TSHZ2: variants seen among roughly 807,000 people sequenced by gnomAD.
TSHZ2 encodes the protein teashirt zinc finger homeobox 2, also known as teashirt homolog 2.
In TSHZ2, 21 loss-of-function variants were observed where a neutral mutation model predicts 74.4. The ratio of observed to expected loss-of-function variants is 0.28; its 90% CI spans 0.20 to 0.41. The LOEUF is 0.41. Ranked by LOEUF, TSHZ2 falls within the 10% of genes least tolerant of loss-of-function variation. The pLI, the probability that TSHZ2 is intolerant of heterozygous loss-of-function variation, is 1.00. For synonymous variants in TSHZ2, 540 were observed against 515.3 expected (o/e 1.05, Z -0.65); for missense variants, 1,244 against 1,293.5 (o/e 0.96, Z 0.59).
chr20:53,224,367 A>G (rs1396854916), intron 1 of TSHZ2, among the ~76,000 whole-genome samples: 1 of 152,228 alleles, frequency 6.6e-6, no homozygotes, highest in Non-Finnish European at 1.5e-5. Context: ...GTTGGAATGA[A>G]ACAAAGCTAG....
intron 1 of TSHZ2, among the ~76,000 whole-genome samples, chr20:53,070,768 G>A (rs1985147648): frequency 1.3e-5 from 2 of 152,172 alleles, no homozygotes. Context: ...GAAAACGGTT[G>A]TTACTGAGGA....
intron 2 of TSHZ2, among the ~76,000 whole-genome samples, chr20:53,427,600 C>A (rs2145726982): frequency 6.6e-6 from 1 of 152,286 alleles, no homozygotes; most frequent in East Asian, 1.9e-4. Context: ...AGCTAAGAGG[C>A]TCACAAAGAC....
At position 53,112,703 on chromosome 20, in the gene TSHZ2, G is replaced by A. The variant is rs184376643; in HGVS notation, c.40+139370G>A. 2.2e-4 allele frequency among the ~76,000 whole-genome samples: 34 copies of A among 152,140 alleles called. No individual in the cohort carries two copies. In the East Asian group the frequency reaches 5.8e-3, roughly 26 times the overall value. The stretch of plus-strand genomic sequence containing the variant: ...AATTTTTGTATGTTTTGTAGAGATG[G>A]GGTTTCACCACATTGCTCAGGTCAG... On this transcript the variant is annotated intron_variant, in intron 1 of 2. Coordinates refer to ENST00000371497, the MANE Select transcript of TSHZ2 (RefSeq NM_173485.6).
chr20:53,337,947 C>T (rs912963689), intron 2 of TSHZ2, among the ~76,000 whole-genome samples: 2 of 152,234 alleles, frequency 1.3e-5, no homozygotes, highest in African/African-American at 4.8e-5. Context: ...AGTGCTTCCC[C>T]TGGCTAAAGC....
At chr20:53,252,397 T>A (rs754877594) in intron 1 of TSHZ2, among the ~76,000 whole-genome samples, 4 of 152,220 alleles carry the variant, frequency 2.6e-5, no homozygotes, top group Non-Finnish European at 5.9e-5. Flanking sequence ...TGTGCAGGCC[T>A]TGCAAACCTA....
intron 2 of TSHZ2, among the ~76,000 whole-genome samples, chr20:53,455,688 T>C (rs1368084282): frequency 2.6e-5 from 4 of 152,064 alleles, no homozygotes; most frequent in Non-Finnish European, 4.4e-5. Flanking sequence ...GCATTAGGTA[T>C]ATCTCCCAAT....
chr20:53,175,448 C>T lies in TSHZ2; in HGVS notation c.41-78051C>T, dbSNP rs112141714. On this transcript the variant is annotated intron_variant, in intron 1 of 2. Coordinates refer to ENST00000371497, the MANE Select transcript of TSHZ2 (RefSeq NM_173485.6). Reference sequence around the variant, plus strand: ...GAGCCATTGCACCTGGCCCCCTGGGCGTTTTTTTCTTCTGCCTTGGCCCTT... The same window carrying T: ...GAGCCATTGCACCTGGCCCCCTGGGTGTTTTTTTCTTCTGCCTTGGCCCTT... Among the ~76,000 whole-genome samples, 8 of 152,130 alleles carry T rather than the reference C, an allele frequency of 5.3e-5. No individual in the cohort carries two copies. In the South Asian group the frequency reaches 1.2e-3, roughly 24 times the overall value.
At chr20:53,162,105 A>G (rs1178124539) in intron 1 of TSHZ2, among the ~76,000 whole-genome samples, 1 of 152,132 alleles carries the variant, frequency 6.6e-6, no homozygotes, top group African/African-American at 2.4e-5. Context: ...TTTTATTGCC[A>G]TTGTTTATGA....
At chr20:53,418,375 T>C (rs1310158562) in intron 2 of TSHZ2, among the ~76,000 whole-genome samples, 1 of 152,214 alleles carries the variant, frequency 6.6e-6, no homozygotes, top group East Asian at 1.9e-4. Flanking sequence ...GGCGTATTAG[T>C]CTGTTTTCAC....
chr20:53,207,518 C>G (rs757259818), intron 1 of TSHZ2, among the ~76,000 whole-genome samples: 22 of 152,088 alleles, frequency 1.4e-4, no homozygotes, highest in Non-Finnish European at 2.8e-4. Flanking sequence ...TACCCTGGCT[C>G]TCACTTGTAG....
intron 1 of TSHZ2, among the ~76,000 whole-genome samples, chr20:53,037,059 C>CATTT (rs1983849585): frequency 1.3e-5 from 2 of 152,004 alleles, no homozygotes; most frequent in African/African-American, 4.8e-5. Flanking sequence ...CCTAATGTTG[C>CATTT]ATTTATTTAT....
At chr20:53,080,799 G>A (rs759948093) in intron 1 of TSHZ2, among the ~76,000 whole-genome samples, 1 of 152,112 alleles carries the variant, frequency 6.6e-6, no homozygotes, top group Non-Finnish European at 1.5e-5. Context: ...GGGGACACCT[G>A]CTTTAGAGTC....
chr20:53,266,156 G>A (rs1040683640), intron 2 of TSHZ2, among the ~76,000 whole-genome samples: 5 of 152,236 alleles, frequency 3.3e-5, no homozygotes, highest in African/African-American at 1.2e-4. Flanking sequence ...CCAGGATGGG[G>A]GTCAAGGGTG....
At chr20:53,232,699 C>T (rs1354635583) in intron 1 of TSHZ2, among the ~76,000 whole-genome samples, 1 of 152,108 alleles carries the variant, frequency 6.6e-6, no homozygotes, top group East Asian at 1.9e-4. Flanking sequence ...CACTGCACTC[C>T]AGCCTGGGCA....
At chr20:53,127,470 C>A (rs1986977824) in intron 1 of TSHZ2, among the ~76,000 whole-genome samples, 1 of 152,174 alleles carries the variant, frequency 6.6e-6, no homozygotes, top group Admixed American at 6.5e-5. Flanking sequence ...CTTTCGGAAG[C>A]CCAGGTGTGA....
intron 2 of TSHZ2, among the ~76,000 whole-genome samples, chr20:53,423,413 G>T (rs1294802010): frequency 6.6e-6 from 1 of 151,984 alleles, no homozygotes; most frequent in African/African-American, 2.4e-5. Context: ...AAAAGGCTAT[G>T]ATATTTGAAC....
At chr20:53,438,443 A>C (rs899245621) in intron 2 of TSHZ2, among the ~76,000 whole-genome samples, 1 of 152,116 alleles carries the variant, frequency 6.6e-6, no homozygotes, top group Non-Finnish European at 1.5e-5. Context: ...CAGCAGCCCC[A>C]AGTTGAGCCG....
intron 2 of TSHZ2, among the ~76,000 whole-genome samples, chr20:53,275,715 G>A (rs1357855897): frequency 6.6e-6 from 1 of 152,154 alleles, no homozygotes; most frequent in Admixed American, 6.5e-5. Flanking sequence ...ATCACCTGAG[G>A]TCGGGAGTTC....
intron 2 of TSHZ2, among the ~76,000 whole-genome samples, chr20:53,371,674 C>T (rs1981476178): frequency 2.0e-5 from 3 of 152,024 alleles, no homozygotes; most frequent in African/African-American, 7.2e-5. Flanking sequence ...CCAGGAGTTT[C>T]AGACCAGCCT....
Sources: allele counts gnomAD v4.1 joint callset (sites outside exome capture counted in the v4.1 genomes callset), GRCh38; gene constraint gnomAD v4.1.1; transcripts MANE v1.5; gene names NCBI Gene and HGNC (gene_info 2026-07-23, HGNC 2026-07-21).